The following PDE1C variants were observed in gnomAD, a reference collection of about 807,000 sequenced individuals.
PDE1C encodes the protein dual specificity calcium/calmodulin-dependent 3',5'-cyclic nucleotide phosphodiesterase 1C.
A neutral mutation model predicts 93.1 loss-of-function variants in PDE1C; 62 were observed. The ratio of observed to expected loss-of-function variants is 0.67; its 90% confidence interval spans 0.54 to 0.82. PDE1C has a LOEUF of 0.82. Ranked by LOEUF, PDE1C falls within the 40% of genes least tolerant of loss-of-function variation. The pLI is 0.00. For synonymous variants in PDE1C, 325 were observed against 310.1 expected (o/e 1.05, Z -0.50); for missense variants, 742 against 884.6 (o/e 0.84, Z 2.04).
chr7:31,845,086 T>G (rs1302372753), intron 9 of PDE1C, among the ~76,000 whole-genome samples: 1 of 152,144 alleles, frequency 6.6e-6, no homozygotes, highest in Non-Finnish European at 1.5e-5. Flanking sequence ...AGAAATTTCT[T>G]TAGCATCCCT....
intron 2 of PDE1C, among the ~76,000 whole-genome samples, chr7:31,905,689 T>G (rs971526061): frequency 2.6e-5 from 4 of 152,192 alleles, no homozygotes; most frequent in Admixed American, 6.5e-5. Context: ...AGACACACTT[T>G]CTTGTGCTCA....
chr7:31,706,975 C>T, the PDE1C span, among the ~76,000 whole-genome samples: 1 of 152,158 alleles, frequency 6.6e-6, no homozygotes, highest in Non-Finnish European at 1.5e-5. Flanking sequence ...CCTCTGACTT[C>T]CAGGTGGTGC....
intron 2 of PDE1C, among the ~76,000 whole-genome samples, chr7:32,019,011 CCCTGACTGATACATTAACT>C (rs1788287163): frequency 6.6e-6 from 1 of 151,902 alleles, no homozygotes; most frequent in Non-Finnish European, 1.5e-5. Flanking sequence ...CCACCCCATG[CCCTGACTGATACATTAACT>C]CCTTATTCAG....
chr7:32,117,596 CACAT>C (rs1194983054), intron 3 of PDE1C, among the ~76,000 whole-genome samples: 1 of 152,228 alleles, frequency 6.6e-6, no homozygotes, highest in African/African-American at 2.4e-5. Flanking sequence ...TGTGGACACA[CACAT>C]ACACATATAC....
chr7:31,898,021 TGTG>T (rs1424893274), intron 2 of PDE1C, among the ~76,000 whole-genome samples: 3 of 18,844 alleles, frequency 1.6e-4, no homozygotes, highest in African/African-American at 3.6e-4. Flanking sequence ...TTGGTTTCTT[TGTG>T]TGTGTGTGTG....
chr7:31,642,672 T>TC, the PDE1C span: 1 of 1,610,368 alleles, frequency 6.2e-7, no homozygotes. Context: ...TGTCCTGGTT[T>TC]CCCCTACAGA....
chr7:32,176,678 A>G (rs1484722018), intron 2 of PDE1C, among the ~76,000 whole-genome samples: 3 of 133,584 alleles, frequency 2.2e-5, no homozygotes, highest in East Asian at 3.0e-4. Context: ...AGAGAGATCA[A>G]CTCTAAATAT....
chr7:31,698,762 G>A, the PDE1C span, among the ~76,000 whole-genome samples: 6 of 152,206 alleles, frequency 3.9e-5, no homozygotes, highest in East Asian at 1.2e-3. Flanking sequence ...CTAGTTAGAT[G>A]AAGAATGGGA....
chr7:31,708,935 G>A, the PDE1C span, among the ~76,000 whole-genome samples: 16 of 152,130 alleles, frequency 1.1e-4, no homozygotes, highest in South Asian at 1.2e-3. Flanking sequence ...GGGTAGAGGG[G>A]AATAAAACTG....
the PDE1C span, among the ~76,000 whole-genome samples, chr7:31,689,228 G>C: frequency 1.3e-5 from 2 of 152,182 alleles, no homozygotes; most frequent in Non-Finnish European, 2.9e-5. Context: ...GAACCAATAA[G>C]TGGAAAGAGG....
chr7:31,823,286 G>C, intron 13 of PDE1C, 38 bp from the exon 14 acceptor site: 1 of 1,566,376 alleles, frequency 6.4e-7, no homozygotes, highest in Non-Finnish European at 8.7e-7. Context: ...AAGAGAGTTA[G>C]TGTTTGGAAA....
At chr7:31,818,219 T>C (rs1050224635) in intron 14 of PDE1C, among the ~76,000 whole-genome samples, 3 of 152,206 alleles carry the variant, frequency 2.0e-5, no homozygotes, top group Non-Finnish European at 2.9e-5. Flanking sequence ...AACATAATTA[T>C]GTGCATGTAA....
intron 1 of PDE1C, among the ~76,000 whole-genome samples, chr7:32,421,316 C>T (rs1785428967): frequency 6.6e-6 from 1 of 152,202 alleles, no homozygotes; most frequent in Non-Finnish European, 1.5e-5. Flanking sequence ...CCCTGCCTTC[C>T]TCACTCCAGT....
chr7:32,220,735 G>A (rs573604645), intron 1 of PDE1C, among the ~76,000 whole-genome samples: 12 of 152,218 alleles, frequency 7.9e-5, no homozygotes, highest in South Asian at 4.1e-4. Context: ...GGAGAATGGC[G>A]TGAACCCAGG....
At chr7:32,201,050 T>A (rs186752587) in intron 2 of PDE1C, among the ~76,000 whole-genome samples, 1 of 152,242 alleles carries the variant, frequency 6.6e-6, no homozygotes, top group Non-Finnish European at 1.5e-5. Context: ...ACCACCCCCA[T>A]GCAGCATAGC....
At position 31,835,525 on chromosome 7, in the gene PDE1C, G is replaced by GGTGTGT. The variant is rs58539780; in HGVS notation, c.1203+1649_1203+1654dup. Among the ~76,000 whole-genome samples the GGTGTGT allele has an allele frequency of 1.8e-3, 258 of 147,058 alleles. 1 individual carries two copies. The highest frequency in any genetic ancestry group is 6.0e-3 in the African/African-American group (239 of 40,056). ...ACATATAATAGCTGGGGGGTGCTGC[G>GGTGTGT]GTGTGTGTGTGTGTGTGTGTGTGTG... On this transcript the variant is annotated intron_variant, in intron 11 of 17. Coordinates refer to ENST00000396191, the MANE Select transcript of PDE1C (RefSeq NM_001191057.4).
chr7:31,760,286 C>T (rs995800761), intron 17 of PDE1C, among the ~76,000 whole-genome samples: 1 of 152,122 alleles, frequency 6.6e-6, no homozygotes, highest in Admixed American at 6.5e-5. Flanking sequence ...AGAGTGAAAA[C>T]GCCTTCAGAA....
At chr7:32,274,215 T>C (rs1001526104) in intron 1 of PDE1C, among the ~76,000 whole-genome samples, 1 of 151,734 alleles carries the variant, frequency 6.6e-6, no homozygotes, top group Admixed American at 6.6e-5. Flanking sequence ...TTTAATTTTT[T>C]TTTTTTTTTT....
intron 1 of PDE1C, among the ~76,000 whole-genome samples, chr7:32,387,655 C>T (rs1204660661): frequency 6.9e-6 from 1 of 144,890 alleles, no homozygotes. Context: ...CCCTCCCGGA[C>T]GGGGCGGCTG....
Sources: allele counts gnomAD v4.1 joint callset (sites outside exome capture counted in the v4.1 genomes callset), GRCh38; gene constraint gnomAD v4.1.1; transcripts MANE v1.5; gene names NCBI Gene and HGNC (gene_info 2026-07-23, HGNC 2026-07-21).